The following SHE variants were observed in gnomAD, a reference collection of about 807,000 sequenced individuals.
SHE encodes Src homology 2 domain containing E.
Under a neutral mutation model 49.8 loss-of-function variants are expected in SHE, and 11 were observed. The observed-to-expected ratio is 0.22, with a 90% CI of 0.14 to 0.37. SHE has a LOEUF of 0.37. Among genes scored for constraint, SHE ranks in the 10% least tolerant of loss-of-function variants. The pLI is 1.00. For synonymous variants in SHE, 310 were observed against 278.1 expected, an observed-to-expected ratio of 1.11 and a Z score of -1.14; for missense variants, 624 against 655.5, an observed-to-expected ratio of 0.95 and a Z score of 0.52.
chr1:154,500,992 G>T (rs993220999), intron 1 of SHE, among the ~76,000 whole-genome samples: 1 of 152,142 alleles, frequency 6.6e-6, no homozygotes, highest in Admixed American at 6.5e-5. Context: ...GAAGACTGTT[G>T]GTTAAACCAT....
chr1:154,494,179 C>T (rs918984414), intron 2 of SHE, among the ~76,000 whole-genome samples: 10 of 152,128 alleles, frequency 6.6e-5, no homozygotes, highest in Admixed American at 2.0e-4. Context: ...TTGATCAGTG[C>T]TCAAGCTTTT....
chr1:154,480,639 AGGCT>A lies in SHE; in HGVS notation c.*3506_*3509del, dbSNP rs1267506302. ...GGAGACTTCCAACAGCAAAGAATAA[AGGCT>A]TTCTAAAATGCTTAAGAAAGTGCTT... On this transcript the variant is annotated 3_prime_UTR_variant, in exon 6 of 6. Coordinates refer to ENST00000304760, the MANE Select transcript of SHE (RefSeq NM_001010846.3). 2 of 985,376 alleles carry A rather than the reference AGGCT, an allele frequency of 2.0e-6. No individual in the cohort carries two copies. The highest frequency in any genetic ancestry group is 1.2e-4 in the Admixed American group (2 of 16,274). 61.0% of individuals were successfully genotyped at this position (985,376 alleles called of 1,614,324 possible).
In SHE at chr1:154,499,254, A is replaced by G; in HGVS notation, c.592-16T>C. On this transcript the variant is annotated splice_polypyrimidine_tract_variant and intron_variant, in intron 1 of 5. Coordinates refer to ENST00000304760, the MANE Select transcript of SHE (RefSeq NM_001010846.3). Reference sequence around the variant, plus strand: ...AAATGATGACCTGAAAAAGAACAAGAGAGGACAGTTGCTAAGGGCCACCGT... The same window carrying G: ...AAATGATGACCTGAAAAAGAACAAGGGAGGACAGTTGCTAAGGGCCACCGT... 6.2e-7 allele frequency: 1 copy of G among 1,609,956 alleles called. No individual in the cohort carries two copies. Among genetic ancestry groups the G allele is most frequent in the Non-Finnish European group, 8.5e-7 (1 of 1,177,482 alleles).
Position 154,481,918 on chromosome 1 carries a change from T to C in SHE, c.*2231A>G, listed in dbSNP as rs1692028544. ...AGGCTGGAGTGCAATGGTGCGATCA[T>C]GGCTCGCTGCAGCCTTGACCTGAGC... On this transcript the variant is annotated 3_prime_UTR_variant, in exon 6 of 6. Transcript: ENST00000304760. The C allele has an allele frequency of 2.0e-6, 1 of 512,224 alleles. No homozygotes were observed. The highest frequency in any genetic ancestry group is 2.1e-5 in the African/African-American group (1 of 47,892). The allele number at this position is 512,224 out of a possible 1,614,324, so 31.7% of individuals were successfully genotyped here. A position where few individuals can be genotyped will look rare whatever the true frequency, so the allele number is the denominator to read the frequency against.
chr1:154,486,563 T>C lies in SHE; in HGVS notation c.1145A>G (p.Glu382Gly), dbSNP rs968987056. ...KPALSDHSEGEKVDPGLPLEK... is the reference protein window; with the variant it reads ...KPALSDHSEGGKVDPGLPLEK... ...CAGGGGCAGGCCCGGGTCCACTTTC[T>C]CTCCCTCACTGTGGTCCGAGAGGGC... Residue 382 changes from glutamate to glycine, a missense_variant, in exon 4 of 6, where the codon GAG (glutamate) becomes GGG (glycine). By Grantham distance (98) the Glu-to-Gly change is moderately conservative. Around this residue, in one of 4 missense-constraint regions of SHE, gnomAD observed 125 missense variants for 181.7 expected, o/e 0.69. Coordinates refer to ENST00000304760, the MANE Select transcript of SHE (RefSeq NM_001010846.3). 5 of 1,614,028 alleles carry C rather than the reference T, an allele frequency of 3.1e-6. No individual in the cohort carries two copies. In the African/African-American group the frequency reaches 6.7e-5, roughly 22 times the overall value.
chr1:154,478,911 T>G (rs928870367), downstream of SHE, among the ~76,000 whole-genome samples: 1 of 152,198 alleles, frequency 6.6e-6, no homozygotes, highest in Non-Finnish European at 1.5e-5. Context: ...CTTGAAACCA[T>G]GTTAGGAATT....
chr1:154,479,865 C>T lies in SHE; in HGVS notation c.*4284G>A. The T allele has an allele frequency of 1.0e-6, 1 of 985,452 alleles. No individual in the cohort carries two copies. The highest frequency in any genetic ancestry group is 1.2e-6 in the Non-Finnish European group (1 of 829,942). The allele number at this position is 985,452 out of a possible 1,614,324, so 61.0% of individuals were successfully genotyped here. On this transcript the variant is annotated 3_prime_UTR_variant, in exon 6 of 6. Transcript: ENST00000304760. ...TAGTTGTATTAGACTTCAAAACACC[C>T]TTTCCGCAGGAAAGGGCATTTTTCA...
At chr1:154,487,782 T>C (rs925727015) in intron 3 of SHE, among the ~76,000 whole-genome samples, 5 of 148,130 alleles carry the variant, frequency 3.4e-5, no homozygotes, top group African/African-American at 1.2e-4. Flanking sequence ...CTCAGGAGGC[T>C]GAGGATGCAG....
At chr1:154,499,707 A>G (rs572934248) in intron 1 of SHE, among the ~76,000 whole-genome samples, 1 of 152,208 alleles carries the variant, frequency 6.6e-6, no homozygotes, top group Non-Finnish European at 1.5e-5. Context: ...AGGAGTCAAA[A>G]TAAACCCAAG....
chr1:154,484,558 A>G, intron 5 of SHE: 1 of 439,844 alleles, frequency 2.3e-6, no homozygotes, highest in Non-Finnish European at 4.0e-6. Context: ...CATATGAGTC[A>G]TCAGGTAGTG....
intron 2 of SHE, among the ~76,000 whole-genome samples, chr1:154,494,297 C>T (rs1336254335): frequency 6.6e-6 from 1 of 151,194 alleles, no homozygotes; most frequent in Non-Finnish European, 1.5e-5. Flanking sequence ...CAAATTAAAT[C>T]AAAACCAGTC....
At chr1:154,500,628 A>T (rs1692687293) in intron 1 of SHE, among the ~76,000 whole-genome samples, 3 of 152,318 alleles carry the variant, frequency 2.0e-5, no homozygotes, top group African/African-American at 7.2e-5. Context: ...AGAGAAGATA[A>T]AAACAACCAG....
chr1:154,483,493 G>A lies in SHE; in HGVS notation c.*656C>T. On this transcript the variant is annotated 3_prime_UTR_variant, in exon 6 of 6. Coordinates refer to ENST00000304760, the MANE Select transcript of SHE (RefSeq NM_001010846.3). ...TTTTGTTGGTTTGTTTAGAGACCAG[G>A]TATTCCAGGTAACAAGTAGGCACAT... The A allele has an allele frequency of 2.0e-6, 2 of 985,360 alleles. No homozygotes were observed. The highest frequency in any genetic ancestry group is 4.7e-5 in the South Asian group (1 of 21,278). The allele number at this position is 985,360 out of a possible 1,614,324, so 61.0% of individuals were successfully genotyped here. A position where few individuals can be genotyped will look rare whatever the true frequency, so the allele number is the denominator to read the frequency against.
At position 154,483,317 on chromosome 1, in the gene SHE, ACT is replaced by A; in HGVS notation, c.*830_*831del. On this transcript the variant is annotated 3_prime_UTR_variant, in exon 6 of 6. Transcript: ENST00000304760. Reference sequence around the variant, plus strand: ...ACTCTGAAGTTGCGGATTTCCATGAACTCCAGAGCTGAATTAGGACTTCTGAG... The same window carrying A: ...ACTCTGAAGTTGCGGATTTCCATGAACCAGAGCTGAATTAGGACTTCTGAG... The A allele has an allele frequency of 1.0e-6, 1 of 985,202 alleles. No individual in the cohort carries two copies. The highest frequency in any genetic ancestry group is 1.2e-6 in the Non-Finnish European group (1 of 829,906). 61.0% of individuals were successfully genotyped at this position (985,202 alleles called of 1,614,324 possible). A position where few individuals can be genotyped will look rare whatever the true frequency, so the allele number is the denominator to read the frequency against.
chr1:154,484,087 TG>T lies in SHE; in HGVS notation c.*61del. 1 of 1,560,966 alleles carries T rather than the reference TG, an allele frequency of 6.4e-7. No homozygotes were observed. Among genetic ancestry groups the T allele is most frequent in the Non-Finnish European group, 8.7e-7 (1 of 1,148,372 alleles). ...AGTCCAGCCTTGTCCTCTGAGATGC[TG>T]GTTGTGCGCTGATGATGCCCTTGAA... On this transcript the variant is annotated 3_prime_UTR_variant, in exon 6 of 6. Coordinates refer to ENST00000304760, the MANE Select transcript of SHE (RefSeq NM_001010846.3).
rs1439567772 is a variant in SHE at position 154,484,184 on chromosome 1, T to C, written c.1453A>G (p.Thr485Ala). The stretch of plus-strand genomic sequence containing the variant: ...TTGCTGTGCACTGGGTAGAGTAAAG[T>C]CATGTGTTCTGCCCCTTTGAAAGGC... ...KLPFKGAEHM[T>A]LLYPVHSKLH The change falls in exon 6 of 6, where the codon ACT becomes GCT. Residue 485 changes from threonine (T) to alanine (A), a missense_variant. By Grantham distance (58) the Thr-to-Ala change is moderately conservative (BLOSUM62 0). This residue lies in a region of SHE where 125 missense variants were observed against 181.7 expected (regional missense o/e 0.69). Coordinates refer to ENST00000304760, the MANE Select transcript of SHE (RefSeq NM_001010846.3). 1 of 1,614,168 alleles carries C rather than the reference T, an allele frequency of 6.2e-7. No homozygotes were observed. The highest frequency in any genetic ancestry group is 1.1e-5 in the South Asian group (1 of 91,078).
At chr1:154,496,706 C>G (rs529155917) in intron 2 of SHE, among the ~76,000 whole-genome samples, 14 of 151,696 alleles carry the variant, frequency 9.2e-5, no homozygotes, top group African/African-American at 3.4e-4. Context: ...ACAAGGGGGA[C>G]AGCATTGTAG....
Position 154,481,700 on chromosome 1 carries a change from C to T in SHE, c.*2449G>A. ...AATGTTAAACTAAAAATAAGTTTAA[C>T]ACAATGAATAATTTGTATAAAGATA... On this transcript the variant is annotated 3_prime_UTR_variant, in exon 6 of 6. Coordinates refer to ENST00000304760, the MANE Select transcript of SHE (RefSeq NM_001010846.3). 1 of 962,580 alleles carries T rather than the reference C, an allele frequency of 1.0e-6. No homozygotes were observed. The highest frequency in any genetic ancestry group is 1.2e-6 in the Non-Finnish European group (1 of 809,216). 59.6% of individuals were successfully genotyped at this position (962,580 alleles called of 1,614,324 possible). A position where few individuals can be genotyped will look rare whatever the true frequency, so the allele number is the denominator to read the frequency against.
At chr1:154,475,050 G>C (rs1691843470), downstream of SHE, among the ~76,000 whole-genome samples, 1 of 152,150 alleles carries the variant, frequency 6.6e-6, no homozygotes, top group African/African-American at 2.4e-5. Context: ...TGACTAATCT[G>C]GTCTAGGGAG....
Sources: gnomAD v4.1 joint callset for allele counts (sites outside exome capture counted in the v4.1 genomes callset) on GRCh38, gnomAD v4.1.1 for gene constraint, gnomAD v4.1.1 regional missense constraint, MANE v1.5 for transcripts, NCBI Gene and HGNC (gene_info 2026-07-23, HGNC 2026-07-21) for gene names.